The following SLC10A7 variants were observed in gnomAD, a reference collection of about 807,000 sequenced individuals.
The protein encoded by SLC10A7 is solute carrier family 10 member 7, also known as sodium/bile acid cotransporter 7.
Under a neutral mutation model 43.2 loss-of-function variants are expected in SLC10A7, and 29 were observed. That is an observed-to-expected ratio of 0.67 (90% CI 0.50 to 0.92). The LOEUF is 0.92. Ranked by LOEUF, SLC10A7 falls within the 40% of genes least tolerant of loss-of-function variation. The pLI, the probability that SLC10A7 is intolerant of heterozygous loss-of-function variation, is 0.00. For synonymous variants in SLC10A7, 152 were observed against 144.8 expected (o/e 1.05, Z -0.35); for missense variants, 295 against 403.2 (o/e 0.73, Z 2.30).
At chr4:146,496,857 G>T (rs1328816900) in intron 4 of SLC10A7, among the ~76,000 whole-genome samples, 1 of 152,072 alleles carries the variant, frequency 6.6e-6, no homozygotes, top group Non-Finnish European at 1.5e-5. Context: ...TGAGGAAAAG[G>T]TTACTTTTTC....
chr4:146,426,304 T>G (rs1254666851), intron 5 of SLC10A7, among the ~76,000 whole-genome samples: 1 of 152,188 alleles, frequency 6.6e-6, no homozygotes, highest in African/African-American at 2.4e-5. Flanking sequence ...CTCTCAGATC[T>G]GTGAGGTATT....
At chr4:146,395,355 A>T (rs1361600356) in intron 5 of SLC10A7, among the ~76,000 whole-genome samples, 1 of 152,182 alleles carries the variant, frequency 6.6e-6, no homozygotes, top group East Asian at 1.9e-4. Context: ...ATGCCACTGC[A>T]CTACATTCTA....
At chr4:146,339,809 T>G (rs1578925655) in intron 5 of SLC10A7, among the ~76,000 whole-genome samples, 2 of 134,756 alleles carry the variant, frequency 1.5e-5, no homozygotes, top group African/African-American at 5.5e-5. Context: ...TCATTTGTCG[T>G]TTTTTTTTTT....
intron 7 of SLC10A7, among the ~76,000 whole-genome samples, chr4:146,303,392 G>A (rs1407298088): frequency 1.4e-5 from 1 of 71,540 alleles, no homozygotes; most frequent in Non-Finnish European, 2.8e-5. Flanking sequence ...TTTTTTTTTT[G>A]AGACATAAAG....
chr4:146,399,355 A>G (rs957144242), intron 5 of SLC10A7, among the ~76,000 whole-genome samples: 1 of 151,902 alleles, frequency 6.6e-6, no homozygotes, highest in Non-Finnish European at 1.5e-5. Context: ...ACCTAAGGGC[A>G]ATAGGAAGTT....
chr4:146,514,427 T>G (rs1450681381), intron 2 of SLC10A7: 1 of 152,202 alleles, frequency 6.6e-6, no homozygotes, highest in African/African-American at 2.4e-5. Flanking sequence ...GAACTAAATA[T>G]GAATTTTAAA....
chr4:146,407,509 T>A (rs1470683416), intron 5 of SLC10A7, among the ~76,000 whole-genome samples: 8 of 152,228 alleles, frequency 5.3e-5, no homozygotes, highest in African/African-American at 1.9e-4. Context: ...ATTAAAACTT[T>A]ATATACACTG....
chr4:146,472,436 GTTT>G (rs5862760), intron 4 of SLC10A7, among the ~76,000 whole-genome samples: 8 of 128,900 alleles, frequency 6.2e-5, no homozygotes, highest in South Asian at 2.6e-4. Flanking sequence ...GGCTTATTCT[GTTT>G]TTTTTTTTTT....
chr4:146,341,965 A>G (rs1339581235), intron 5 of SLC10A7, among the ~76,000 whole-genome samples: 1 of 151,776 alleles, frequency 6.6e-6, no homozygotes, highest in Non-Finnish European at 1.5e-5. Context: ...AAAATTGAAA[A>G]TTTCTAGCTC....
At chr4:146,381,662 C>T (rs1236135351) in intron 5 of SLC10A7, among the ~76,000 whole-genome samples, 2 of 152,100 alleles carry the variant, frequency 1.3e-5, no homozygotes, top group Non-Finnish European at 2.9e-5. Flanking sequence ...AGCCATCAGT[C>T]TTTAGGGAGG....
chr4:146,277,367 T>A (rs915871820), intron 10 of SLC10A7, among the ~76,000 whole-genome samples: 2 of 152,306 alleles, frequency 1.3e-5, no homozygotes, highest in East Asian at 3.9e-4. Context: ...GATTTTCAGA[T>A]ACCATATTCT....
At chr4:146,354,490 T>A (rs930684104) in intron 5 of SLC10A7, among the ~76,000 whole-genome samples, 1 of 150,506 alleles carries the variant, frequency 6.6e-6, no homozygotes, top group African/African-American at 2.5e-5. Flanking sequence ...TTCAATGCCA[T>A]CCCCATCAAG....
intron 5 of SLC10A7, among the ~76,000 whole-genome samples, chr4:146,391,887 C>T (rs771691916): frequency 1.3e-5 from 2 of 152,168 alleles, no homozygotes; most frequent in South Asian, 4.1e-4. Context: ...CTGGCCCCTA[C>T]AAAATTACCC....
intron 4 of SLC10A7, among the ~76,000 whole-genome samples, chr4:146,460,471 T>C (rs1157431243): frequency 6.6e-6 from 1 of 151,986 alleles, no homozygotes; most frequent in Non-Finnish European, 1.5e-5. Context: ...TTATGGTACA[T>C]TCATACAATG....
intron 1 of SLC10A7, among the ~76,000 whole-genome samples, chr4:146,521,233 G>A (rs935309097): frequency 5.9e-5 from 9 of 151,776 alleles, no homozygotes; most frequent in African/African-American, 2.2e-4. Context: ...TGGGGGCGGG[G>A]AGGACTCGAA....
chr4:146,511,880 T>C (rs1305038429), intron 2 of SLC10A7, among the ~76,000 whole-genome samples: 1 of 151,308 alleles, frequency 6.6e-6, no homozygotes, highest in African/African-American at 2.4e-5. Flanking sequence ...AGGCATTTGA[T>C]AAACACTAAA....
chr4:146,324,950 T>C (rs1733000171), intron 6 of SLC10A7, among the ~76,000 whole-genome samples: 1 of 152,206 alleles, frequency 6.6e-6, no homozygotes, highest in African/African-American at 2.4e-5. Flanking sequence ...TACTTGAAGG[T>C]AATGTCTTTC....
intron 7 of SLC10A7, among the ~76,000 whole-genome samples, chr4:146,300,335 A>G (rs936686737): frequency 6.6e-6 from 1 of 152,194 alleles, no homozygotes; most frequent in African/African-American, 2.4e-5. Context: ...CTTCTTTAAT[A>G]TACTTTGTTT....
At chr4:146,260,060 T>C (rs1335449426) in intron 10 of SLC10A7, among the ~76,000 whole-genome samples, 1 of 152,244 alleles carries the variant, frequency 6.6e-6, no homozygotes, top group Non-Finnish European at 1.5e-5. Context: ...TACTTTCTTT[T>C]TCACAGCCTC....
Sources: gnomAD v4.1 joint callset for allele counts (sites outside exome capture counted in the v4.1 genomes callset) on GRCh38, gnomAD v4.1.1 for gene constraint, MANE v1.5 for transcripts, NCBI Gene and HGNC (gene_info 2026-07-23, HGNC 2026-07-21) for gene names.